Variants in DYM observed in about 807,000 individuals in gnomAD.
The protein encoded by DYM is dymeclin.
Under a neutral mutation model 93.1 loss-of-function variants are expected in DYM, and 78 were observed. That is an observed-to-expected ratio of 0.84 (90% CI 0.70 to 1.01). The LOEUF is 1.01. DYM is among the 50% of genes least tolerant of loss of function. DYM has a pLI of 0.00. For synonymous variants in DYM, 321 were observed against 319.7 expected (o/e 1.00, Z -0.04); for missense variants, 789 against 845.0 (o/e 0.93, Z 0.82).
chr18:49,396,179 T>C (rs1362992804), intron 2 of DYM, among the ~76,000 whole-genome samples: 1 of 152,168 alleles, frequency 6.6e-6, no homozygotes, highest in Non-Finnish European at 1.5e-5. Flanking sequence ...AAACCTCTTT[T>C]CTTTATAAAT....
intron 5 of DYM, among the ~76,000 whole-genome samples, chr18:49,367,773 C>A (rs765541481): frequency 9.9e-5 from 15 of 152,112 alleles, no homozygotes; most frequent in Non-Finnish European, 2.1e-4. Flanking sequence ...GTGCCAAATA[C>A]AAGTACTAAA....
intron 11 of DYM, among the ~76,000 whole-genome samples, chr18:49,265,571 G>A (rs1227348453): frequency 1.3e-5 from 2 of 152,088 alleles, no homozygotes; most frequent in Non-Finnish European, 2.9e-5. Context: ...CTGAGGTCGC[G>A]AGTTCGAGAC....
At chr18:49,069,868 C>G (rs2144854702) in intron 17 of DYM, among the ~76,000 whole-genome samples, 1 of 152,236 alleles carries the variant, frequency 6.6e-6, no homozygotes, top group East Asian at 1.9e-4. Flanking sequence ...TGGTGAAACC[C>G]CATCTCTACT....
chr18:49,190,916 C>T (rs1401212504), intron 14 of DYM, among the ~76,000 whole-genome samples: 2 of 152,118 alleles, frequency 1.3e-5, no homozygotes, highest in East Asian at 1.9e-4. Context: ...AGTAGAAATA[C>T]AGTATATAAA....
chr18:49,139,136 T>A (rs1416991872), intron 15 of DYM, among the ~76,000 whole-genome samples: 1 of 152,116 alleles, frequency 6.6e-6, no homozygotes. Context: ...CCTGTTCTCA[T>A]TTTTCTTTTT....
At chr18:49,256,336 G>C (rs944343365) in intron 13 of DYM, among the ~76,000 whole-genome samples, 1 of 152,114 alleles carries the variant, frequency 6.6e-6, no homozygotes, top group South Asian at 2.1e-4. Context: ...CACAAGAGGA[G>C]GTCAGAGTGA....
At chr18:49,152,230 G>A (rs2085896910) in intron 15 of DYM, among the ~76,000 whole-genome samples, 1 of 152,128 alleles carries the variant, frequency 6.6e-6, no homozygotes, top group African/African-American at 2.4e-5. Context: ...AGAAGGGACA[G>A]AACGATCTTC....
intron 13 of DYM, among the ~76,000 whole-genome samples, chr18:49,249,694 A>G (rs1323328690): frequency 2.6e-5 from 4 of 152,086 alleles, no homozygotes; most frequent in African/African-American, 9.7e-5. Context: ...TGATTAAAAT[A>G]TGTGTCATCA....
intron 17 of DYM, among the ~76,000 whole-genome samples, chr18:49,061,737 T>G (rs573679986): frequency 6.6e-6 from 1 of 152,196 alleles, no homozygotes; most frequent in Non-Finnish European, 1.5e-5. Context: ...GCAGAGAGAC[T>G]TGGCAGCTCT....
chr18:49,412,109 A>G (rs2072312437), intron 2 of DYM, among the ~76,000 whole-genome samples: 1 of 152,144 alleles, frequency 6.6e-6, no homozygotes, highest in South Asian at 2.1e-4. Context: ...TTCACAGACA[A>G]TCGTATATGC....
intron 14 of DYM, among the ~76,000 whole-genome samples, chr18:49,204,090 C>T (rs4939851): frequency 1 from 151,411 of 152,156 alleles, 75,343 homozygotes; most frequent in Middle Eastern, 1. Context: ...TCCACTCCTA[C>T]TTCTGGTTTT....
intron 14 of DYM, among the ~76,000 whole-genome samples, chr18:49,208,990 AT>A (rs1472351636): frequency 2.0e-5 from 3 of 152,190 alleles, no homozygotes; most frequent in Non-Finnish European, 4.4e-5. Flanking sequence ...TTTAATCTAC[AT>A]TCATCCATGA....
intron 17 of DYM, among the ~76,000 whole-genome samples, chr18:49,080,284 G>C (rs370108120): frequency 2.3e-3 from 250 of 109,366 alleles, no homozygotes; most frequent in Middle Eastern, 8.2e-3. Context: ...TAGGGGCGGC[G>C]GGGCAGAGGC....
chr18:49,052,651 G>A (rs959555092), intron 17 of DYM, among the ~76,000 whole-genome samples: 1 of 152,208 alleles, frequency 6.6e-6, no homozygotes, highest in Non-Finnish European at 1.5e-5. Context: ...GGTGGCCCAG[G>A]GCCCCGGCTG....
chr18:49,236,135 T>G (rs537753284), intron 13 of DYM, among the ~76,000 whole-genome samples: 4 of 152,252 alleles, frequency 2.6e-5, no homozygotes, highest in African/African-American at 9.6e-5. Context: ...CTTCCAATTC[T>G]CCCTCTTATA....
At chr18:49,230,473 CT>C (rs1190972246) in intron 13 of DYM, among the ~76,000 whole-genome samples, 8 of 152,276 alleles carry the variant, frequency 5.3e-5, no homozygotes, top group African/African-American at 1.9e-4. Context: ...TATCAGACAT[CT>C]GGGAACAAAA....
At chr18:49,281,314 A>G (rs2094969617) in intron 10 of DYM, among the ~76,000 whole-genome samples, 1 of 152,224 alleles carries the variant, frequency 6.6e-6, no homozygotes, top group Non-Finnish European at 1.5e-5. Context: ...CAGGTGCTGG[A>G]GAGGATGTGG....
rs559755347 is a variant in DYM at position 49,129,381 on chromosome 18, T to C, written c.1729-10455A>G. Among the ~76,000 whole-genome samples the C allele has an allele frequency of 1.5e-3, 234 of 152,228 alleles. 2 individuals are homozygous for C. Among genetic ancestry groups the C allele is most frequent in the Middle Eastern group, 3.4e-3 (1 of 294 alleles). On this transcript the variant is annotated intron_variant, in intron 15 of 17. Coordinates refer to ENST00000675505, the MANE Select transcript of DYM (RefSeq NM_001353214.3). ...GAAAAAAACCAGGTAACTTAATAAATCTTAAATCTTCTTAAGTTCATCAGA... is the reference window on the plus strand; with the variant it reads ...GAAAAAAACCAGGTAACTTAATAAACCTTAAATCTTCTTAAGTTCATCAGA...
At chr18:49,435,040 T>C (rs1471923325) in intron 1 of DYM, among the ~76,000 whole-genome samples, 13 of 151,586 alleles carry the variant, frequency 8.6e-5, no homozygotes, top group Admixed American at 8.5e-4. Context: ...AAACCTCATC[T>C]CTACTAAAAA....
Sources: gnomAD v4.1 joint callset for allele counts (sites outside exome capture counted in the v4.1 genomes callset) on GRCh38, gnomAD v4.1.1 for gene constraint, MANE v1.5 for transcripts, NCBI Gene and HGNC (gene_info 2026-07-23, HGNC 2026-07-21) for gene names.